Variants in GLRA3 observed in about 807,000 individuals in gnomAD.
The protein encoded by GLRA3 is glycine receptor subunit alpha-3.
A neutral mutation model predicts 60.4 loss-of-function variants in GLRA3; 44 were observed. The ratio of observed to expected loss-of-function variants is 0.73; its 90% CI spans 0.57 to 0.94. GLRA3 has a LOEUF of 0.94. Ranked by LOEUF, GLRA3 falls within the 40% of genes least tolerant of loss-of-function variation. GLRA3 has a pLI of 0.00. For missense variants in GLRA3, 508 were observed against 564.6 expected, an observed-to-expected ratio of 0.90 and a Z score of 1.02; for synonymous variants, 223 against 192.9, an observed-to-expected ratio of 1.16 and a Z score of -1.29.
intron 2 of GLRA3, among the ~76,000 whole-genome samples, chr4:174,768,347 C>T (rs1003701257): frequency 1.4e-4 from 21 of 152,072 alleles, no homozygotes; most frequent in Non-Finnish European, 2.4e-4. Context: ...AAAGTTCTAA[C>T]GGTTAATCTT....
intron 7 of GLRA3, among the ~76,000 whole-genome samples, chr4:174,659,414 C>T (rs1475481183): frequency 6.6e-6 from 1 of 151,718 alleles, no homozygotes; most frequent in African/African-American, 2.4e-5. Context: ...TAGGCAATAG[C>T]CCAAACACGA....
intron 2 of GLRA3, among the ~76,000 whole-genome samples, chr4:174,772,482 C>A (rs1012548223): frequency 2.0e-5 from 3 of 151,946 alleles, no homozygotes; most frequent in Non-Finnish European, 4.4e-5. Flanking sequence ...TATATATTTT[C>A]TTCTTCAGCA....
At chr4:174,682,375 G>A (rs936997013) in intron 6 of GLRA3, among the ~76,000 whole-genome samples, 21 of 151,974 alleles carry the variant, frequency 1.4e-4, no homozygotes, top group South Asian at 2.1e-4. Flanking sequence ...TGAAATGCAC[G>A]AAAATATGAC....
rs189219379 is a variant in GLRA3 at position 174,808,058 on chromosome 4, G to A, written c.72-19115C>T. ...AAGAGAGAACTCTAGGATGGTCGCT[G>A]TGCTGTGGAGTGCAGTGAAGTATGG... On this transcript the variant is annotated intron_variant, in intron 1 of 9. Coordinates refer to ENST00000274093, the MANE Select transcript of GLRA3 (RefSeq NM_006529.4). Among the ~76,000 whole-genome samples the A allele has an allele frequency of 3.7e-3, 563 of 152,170 alleles. 2 individuals carry two copies. Among genetic ancestry groups the A allele is most frequent in the African/African-American group, 0.013 (542 of 41,526 alleles).
chr4:174,677,141 C>A lies in GLRA3; in HGVS notation c.864G>T (p.Leu288=). Residue 288 remains leucine (L), a synonymous_variant, in exon 7 of 10, where the codon CTG becomes CTT. Coordinates refer to ENST00000274093, the MANE Select transcript of GLRA3 (RefSeq NM_006529.4). ...NMDAAPARVA[L]GITTVLTMTT... ...TCATCGTTAGCACAGTGGTTATCCC[C>A]AGAGCTACCCTGGCCGGTGCTGCAT... The A allele has an allele frequency of 6.2e-7, 1 of 1,613,670 alleles. No homozygotes were observed. Among genetic ancestry groups the A allele is most frequent in the South Asian group, 1.1e-5 (1 of 91,072 alleles).
In GLRA3 at chr4:174,691,317, G is replaced by A. The variant is rs1734786424; in HGVS notation, c.575-8378C>T. Among the ~76,000 whole-genome samples the A allele has an allele frequency of 2.6e-5, 4 of 151,950 alleles. No homozygotes were observed. The South Asian group carries it at 8.3e-4, about 32-fold the overall frequency. ...AGTGATGTTGAACTTTTTTTCATAAGAAAAAATGTGCTGGCCACTTGTCTT... is the reference window on the plus strand; with the variant it reads ...AGTGATGTTGAACTTTTTTTCATAAAAAAAAATGTGCTGGCCACTTGTCTT... On this transcript the variant is annotated intron_variant, in intron 5 of 9. Coordinates refer to ENST00000274093, the MANE Select transcript of GLRA3 (RefSeq NM_006529.4).
intron 1 of GLRA3, among the ~76,000 whole-genome samples, chr4:174,823,069 G>C (rs1301902042): frequency 6.6e-6 from 1 of 152,124 alleles, no homozygotes; most frequent in African/African-American, 2.4e-5. Flanking sequence ...TTACTGAACA[G>C]CTCATTCCAT....
chr4:174,663,346 C>A (rs1405088529), intron 7 of GLRA3, among the ~76,000 whole-genome samples: 1 of 152,142 alleles, frequency 6.6e-6, no homozygotes, highest in Non-Finnish European at 1.5e-5. Flanking sequence ...AGTCCTGGAA[C>A]AAGTAATATG....
intron 4 of GLRA3, among the ~76,000 whole-genome samples, chr4:174,719,887 A>G (rs1376366870): frequency 6.6e-6 from 1 of 152,224 alleles, no homozygotes; most frequent in African/African-American, 2.4e-5. Context: ...ACAGCACTTA[A>G]AAAAGCAACT....
intron 5 of GLRA3, among the ~76,000 whole-genome samples, chr4:174,686,199 A>G (rs1224106336): frequency 6.6e-6 from 1 of 152,234 alleles, no homozygotes; most frequent in East Asian, 1.9e-4. Context: ...ACTGGTTGTT[A>G]ATGATAACAA....
intron 9 of GLRA3, among the ~76,000 whole-genome samples, chr4:174,653,250 T>C (rs1166504805): frequency 6.6e-6 from 1 of 152,032 alleles, no homozygotes; most frequent in Non-Finnish European, 1.5e-5. Context: ...CATTGTCCTT[T>C]GAGAATATGA....
chr4:174,693,498 T>C (rs1734938836), intron 5 of GLRA3, among the ~76,000 whole-genome samples: 1 of 152,116 alleles, frequency 6.6e-6, no homozygotes, highest in African/African-American at 2.4e-5. Context: ...GGGCTCTCTA[T>C]TCTGTTCAGT....
chr4:174,696,769 T>C (rs1735071109), intron 5 of GLRA3, among the ~76,000 whole-genome samples: 1 of 152,032 alleles, frequency 6.6e-6, no homozygotes, highest in Non-Finnish European at 1.5e-5. Flanking sequence ...TCATATAGTA[T>C]AGGTACATAC....
chr4:174,788,445 A>C (rs943526405), intron 2 of GLRA3, among the ~76,000 whole-genome samples: 4 of 152,080 alleles, frequency 2.6e-5, no homozygotes, highest in African/African-American at 9.6e-5. Flanking sequence ...CTGATTAAAA[A>C]GATGGGAAAG....
intron 6 of GLRA3, 21 bp from the exon 7 acceptor site, chr4:174,677,313 T>A (rs1259028644): frequency 4.4e-6 from 6 of 1,364,256 alleles, no homozygotes; most frequent in Non-Finnish European, 6.3e-6. Flanking sequence ...GTAAGGTAAA[T>A]ACAGCAATTA....
chr4:174,651,362 T>C (rs753865450), intron 9 of GLRA3, among the ~76,000 whole-genome samples: 11 of 152,200 alleles, frequency 7.2e-5, no homozygotes, highest in Non-Finnish European at 1.5e-4. Flanking sequence ...ATTATTGGTT[T>C]CTTATTCCAG....
chr4:174,806,635 T>G (rs1740062471), intron 1 of GLRA3, among the ~76,000 whole-genome samples: 1 of 152,100 alleles, frequency 6.6e-6, no homozygotes, highest in Non-Finnish European at 1.5e-5. Flanking sequence ...GTGTTAGGTA[T>G]TATCAGTAAT....
chr4:174,821,192 C>T (rs961645871), intron 1 of GLRA3, among the ~76,000 whole-genome samples: 1 of 152,026 alleles, frequency 6.6e-6, no homozygotes, highest in South Asian at 2.1e-4. Flanking sequence ...TATGATATGA[C>T]GTTAGTAAGA....
At chr4:174,771,477 G>T (rs1738383669) in intron 2 of GLRA3, among the ~76,000 whole-genome samples, 1 of 150,912 alleles carries the variant, frequency 6.6e-6, no homozygotes, top group Admixed American at 6.6e-5. Flanking sequence ...ATAGCAATAT[G>T]AATCTGAGAA....
Sources: allele counts gnomAD v4.1 joint callset (sites outside exome capture counted in the v4.1 genomes callset), GRCh38; gene constraint gnomAD v4.1.1; transcripts MANE v1.5; gene names NCBI Gene and HGNC (gene_info 2026-07-23, HGNC 2026-07-21).